RASA2: variants seen among roughly 807,000 people sequenced by gnomAD.
RASA2 encodes the protein ras GTPase-activating protein 2.
Under a neutral mutation model 118.2 loss-of-function variants are expected in RASA2, and 155 were observed. That is an observed-to-expected ratio of 1.31 (90% CI 1.15 to 1.50). RASA2 has a LOEUF of 1.50. Among genes scored for constraint, RASA2 ranks in the 40% most tolerant of loss-of-function variants. The pLI is 0.00. For missense variants in RASA2, 1,016 were observed against 1,009.6 expected (o/e 1.01, Z -0.09); for synonymous variants, 353 against 349.1 (o/e 1.01, Z -0.12).
chr3:141,501,548 A>G (rs2081781913), intron 1 of RASA2, among the ~76,000 whole-genome samples: 1 of 152,226 alleles, frequency 6.6e-6, no homozygotes, highest in African/African-American at 2.4e-5. Context: ...AAGGACATAC[A>G]GATAGTTAAA....
intron 19 of RASA2, among the ~76,000 whole-genome samples, chr3:141,607,063 A>T (rs1158537014): frequency 6.6e-6 from 1 of 152,148 alleles, no homozygotes; most frequent in Non-Finnish European, 1.5e-5. Context: ...TCCTTAATGG[A>T]ATTTCCAAAG....
chr3:141,549,879 C>T (rs1012486166), intron 5 of RASA2, among the ~76,000 whole-genome samples: 1 of 151,690 alleles, frequency 6.6e-6, no homozygotes, highest in African/African-American at 2.4e-5. Flanking sequence ...GACATTGAAG[C>T]CAATGTAAAG....
At chr3:141,545,328 G>C (rs1044924392) in intron 5 of RASA2, among the ~76,000 whole-genome samples, 1 of 152,100 alleles carries the variant, frequency 6.6e-6, no homozygotes, top group Non-Finnish European at 1.5e-5. Flanking sequence ...TCTGCAGGCT[G>C]TACAGGAAGC....
chr3:141,487,161 C>T lies in RASA2; in HGVS notation c.78C>T (p.Ala26=), dbSNP rs1370212374. The change falls in exon 1 of 24, where the codon GCC becomes GCT. Residue 26 remains alanine, a synonymous_variant. Transcript: ENST00000286364. The stretch of plus-strand genomic sequence containing the variant: ...CGAGTGCGACTGCAGAGCCCGAGGC[C>T]GGGGACCAGGACAGTCGCGAGGTTC... ...PAASATAEPE[A]GDQDSREVRV... is the part of the protein sequence containing the mutation. The T allele has an allele frequency of 6.8e-7, 1 of 1,469,492 alleles. No homozygotes were observed. Among genetic ancestry groups the T allele is most frequent in the Non-Finnish European group, 9.1e-7 (1 of 1,102,968 alleles). 91.0% of individuals were successfully genotyped at this position (1,469,492 alleles called of 1,614,324 possible).
intron 19 of RASA2, among the ~76,000 whole-genome samples, chr3:141,598,750 AGTT>A (rs1234331714): frequency 1.3e-5 from 2 of 152,136 alleles, no homozygotes; most frequent in African/African-American, 4.8e-5. Flanking sequence ...CCTTTACAGT[AGTT>A]CCCCCCCAAA....
rs1234300831 is a variant in RASA2 at position 141,580,416 on chromosome 3, A to G, written c.1639A>G (p.Thr547Ala). Reference sequence around the variant, plus strand: ...AACTCTCATCTCAAAAACTATACAAACTTTGGGAAGCTGGGGGAGTCTGTC... The same window carrying G: ...AACTCTCATCTCAAAAACTATACAAGCTTTGGGAAGCTGGGGGAGTCTGTC... ...TLTLISKTIQ[T>A]LGSWGSLSKS... Residue 547 changes from threonine (T) to alanine (A), a missense_variant, in exon 16 of 24, where the codon ACT becomes GCT. By Grantham distance (58) the Thr-to-Ala change is moderately conservative. This residue lies in a region of RASA2 where 896 missense variants were observed against 836.4 expected (regional missense o/e 1.07). Transcript: ENST00000286364. 2 of 1,609,964 alleles carry G rather than the reference A, an allele frequency of 1.2e-6. No individual in the cohort carries two copies. The highest frequency in any genetic ancestry group is 1.7e-6 in the Non-Finnish European group (2 of 1,177,270).
chr3:141,603,964 A>G (rs2083507260), intron 19 of RASA2, among the ~76,000 whole-genome samples: 1 of 152,096 alleles, frequency 6.6e-6, no homozygotes, highest in Non-Finnish European at 1.5e-5. Context: ...ATAATACCAC[A>G]TTTTGTTTAT....
In RASA2 at chr3:141,610,427, A is replaced by G. The variant is rs866912766; in HGVS notation, c.2519+361A>G. 5.7e-4 allele frequency among the ~76,000 whole-genome samples: 59 copies of G among 104,274 alleles called. 1 individual carries two copies. Among genetic ancestry groups the G allele is most frequent in the African/African-American group, 2.5e-3 (56 of 22,052 alleles). 68.4% of individuals were successfully genotyped at this position (104,274 alleles called of 152,430 possible). A position where few individuals can be genotyped will look rare whatever the true frequency, so the allele number is the denominator to read the frequency against. On this transcript the variant is annotated intron_variant, in intron 23 of 23. Coordinates refer to ENST00000286364, the MANE Select transcript of RASA2 (RefSeq NM_006506.5). The stretch of plus-strand genomic sequence containing the variant: ...TATTATATATTTATATTTATATATT[A>G]TATATTTATATTTATATATTATATA...
chr3:141,598,797 A>G (rs886210979), intron 19 of RASA2, among the ~76,000 whole-genome samples: 9 of 152,260 alleles, frequency 5.9e-5, no homozygotes, highest in Admixed American at 5.9e-4. Context: ...AAATTTAACC[A>G]AAGAAGGCTG....
At chr3:141,488,397 C>T (rs924551623) in intron 1 of RASA2, among the ~76,000 whole-genome samples, 1 of 152,136 alleles carries the variant, frequency 6.6e-6, no homozygotes, top group Non-Finnish European at 1.5e-5. Flanking sequence ...ACAATTCTTT[C>T]CTGGGCAGGA....
chr3:141,580,189 C>G (rs1232399629), intron 15 of RASA2, among the ~76,000 whole-genome samples, 179 bp from the exon 16 acceptor site: 1 of 141,220 alleles, frequency 7.1e-6, no homozygotes, highest in African/African-American at 2.6e-5. Context: ...TTTCTTTAGT[C>G]TCTTAATTCC....
At chr3:141,487,993 C>T (rs1259295719) in intron 1 of RASA2, among the ~76,000 whole-genome samples, 1 of 152,216 alleles carries the variant, frequency 6.6e-6, no homozygotes, top group Admixed American at 6.5e-5. Flanking sequence ...ACTCAGCCCG[C>T]TTAATTCCCT....
Position 141,571,511 on chromosome 3 carries a change from CCTTTTGCCA to C in RASA2, c.1129_1137del (p.Phe377_Thr379del). On this transcript the variant is annotated inframe_deletion, in exon 11 of 24. Coordinates refer to ENST00000286364, the MANE Select transcript of RASA2 (RefSeq NM_006506.5). Reference sequence around the variant, plus strand: ...GCTGCTGCACCATGATAAACTTGTTCCTTTTGCCACTGCTGTGGCTGAATTAGACTTGAA... The same window carrying C: ...GCTGCTGCACCATGATAAACTTGTTCCTGCTGTGGCTGAATTAGACTTGAA... The C allele has an allele frequency of 6.2e-7, 1 of 1,612,498 alleles. No individual in the cohort carries two copies. Among genetic ancestry groups the C allele is most frequent in the Non-Finnish European group, 8.5e-7 (1 of 1,179,166 alleles).
At chr3:141,581,335 G>A (rs899387892) in intron 17 of RASA2, among the ~76,000 whole-genome samples, 158 bp downstream of exon 17, 22 of 151,930 alleles carry the variant, frequency 1.4e-4, no homozygotes, top group Admixed American at 1.4e-3. Flanking sequence ...CTTCCACAAA[G>A]CTGTGCTTTT....
chr3:141,581,978 A>G (rs1194914622), intron 17 of RASA2, among the ~76,000 whole-genome samples: 3 of 152,214 alleles, frequency 2.0e-5, no homozygotes, highest in Non-Finnish European at 4.4e-5. Flanking sequence ...ACTCTATCCC[A>G]TATAGTCTAG....
rs181208295 is a variant in RASA2 at position 141,572,574 on chromosome 3, T to C, written c.1170-35T>C. ...TATATTATTGGTTTCAAAACCTTTG[T>C]TTACTACATTTGGTTTCATCTATTT... On this transcript the variant is annotated intron_variant, in intron 11 of 23. Transcript: ENST00000286364. 1,518 of 1,463,610 alleles carry C rather than the reference T, an allele frequency of 1.0e-3. No individual in the cohort carries two copies. Among genetic ancestry groups the C allele is most frequent in the Non-Finnish European group, 1.3e-3 (1,326 of 1,043,912 alleles). The allele number at this position is 1,463,610 out of a possible 1,614,324, so 90.7% of individuals were successfully genotyped here. A position where few individuals can be genotyped will look rare whatever the true frequency, so the allele number is the denominator to read the frequency against.
intron 5 of RASA2, among the ~76,000 whole-genome samples, chr3:141,543,169 T>C (rs1407838852): frequency 6.6e-6 from 1 of 152,084 alleles, no homozygotes; most frequent in Non-Finnish European, 1.5e-5. Context: ...GATTTATTTA[T>C]ATTGTGTTTT....
intron 19 of RASA2, chr3:141,590,257 C>CCAGCTAAATGCATTTACTCCG: frequency 2.3e-6 from 1 of 428,408 alleles, no homozygotes; most frequent in Non-Finnish European, 4.7e-6. Flanking sequence ...ACTGTTTACT[C>CCAGCTAAATGCATTTACTCCG]CAGCTAAATG....
chr3:141,583,181 T>C lies in RASA2; in HGVS notation c.1752+2004T>C, dbSNP rs967342887. On this transcript the variant is annotated intron_variant, in intron 17 of 23. Coordinates refer to ENST00000286364, the MANE Select transcript of RASA2 (RefSeq NM_006506.5). Reference sequence around the variant, plus strand: ...GCTCATGCCTGTAATCCCAGCACTTTGGGAGGCCGAAGCGGGCAGATCACC... The same window carrying C: ...GCTCATGCCTGTAATCCCAGCACTTCGGGAGGCCGAAGCGGGCAGATCACC... 2.0e-5 allele frequency among the ~76,000 whole-genome samples: 3 copies of C among 152,128 alleles called. No homozygotes were observed. The East Asian group carries it at 5.8e-4, about 29-fold the overall frequency.
Sources: allele counts gnomAD v4.1 joint callset (sites outside exome capture counted in the v4.1 genomes callset), GRCh38; gene constraint gnomAD v4.1.1; regional missense constraint gnomAD v4.1.1; transcripts MANE v1.5; gene names NCBI Gene and HGNC (gene_info 2026-07-23, HGNC 2026-07-21).